MYCBP2: variants seen among roughly 807,000 people sequenced by gnomAD.
The protein encoded by MYCBP2 is E3 ubiquitin-protein ligase MYCBP2.
Under a neutral mutation model 525.3 loss-of-function variants are expected in MYCBP2, and 120 were observed. The observed-to-expected ratio is 0.23, with a 90% CI of 0.20 to 0.27. MYCBP2 has a LOEUF of 0.27. Ranked by LOEUF, MYCBP2 falls within the 10% of genes least tolerant of loss-of-function variation. The pLI, the probability that MYCBP2 is intolerant of heterozygous loss-of-function variation, is 1.00. For synonymous variants in MYCBP2, 1,894 were observed against 1,955.8 expected, an observed-to-expected ratio of 0.97 and a Z score of 0.83; for missense variants, 4,149 against 5,657.1, an observed-to-expected ratio of 0.73 and a Z score of 8.55.
chr13:77,253,358 GGAAACCATCCAAATGCCCAAATACTA>G (rs1398144701), intron 14 of MYCBP2, among the ~76,000 whole-genome samples: 1 of 151,568 alleles, frequency 6.6e-6, no homozygotes, highest in Non-Finnish European at 1.5e-5. Context: ...AACCAAAACT[GGAAACCATCCAAATGCCCAAATACTA>G]GAAACAATTT....
chr13:77,144,197 C>T (rs1294472089), intron 49 of MYCBP2: 4 of 475,888 alleles, frequency 8.4e-6, no homozygotes, highest in African/African-American at 5.9e-5. Flanking sequence ...GCACACCTGA[C>T]TAGTAACATC....
intron 72 of MYCBP2, 64 bp from the exon 73 acceptor site, chr13:77,064,798 T>G: frequency 7.1e-7 from 1 of 1,415,522 alleles, no homozygotes; most frequent in Non-Finnish European, 9.4e-7. Context: ...TAAACTCTTT[T>G]TTCTTAAATA....
chr13:77,095,721 GATA>G (rs1192519106), intron 57 of MYCBP2, 119 bp from the exon 58 acceptor site: 2 of 1,210,518 alleles, frequency 1.7e-6, no homozygotes, highest in Non-Finnish European at 2.3e-6. Flanking sequence ...GCTATTTTAA[GATA>G]ATAAGATTAT....
chr13:77,178,951 T>C (rs1489220201), intron 34 of MYCBP2, among the ~76,000 whole-genome samples: 1 of 152,198 alleles, frequency 6.6e-6, no homozygotes, highest in Admixed American at 6.5e-5. Context: ...ATGTAAAAAG[T>C]TAAAAAATTT....
chr13:77,067,629 A>G lies in MYCBP2; in HGVS notation c.12407T>C (p.Val4136Ala). 1.2e-6 allele frequency: 2 copies of G among 1,614,214 alleles called. No individual in the cohort carries two copies. The highest frequency in any genetic ancestry group is 1.7e-6 in the Non-Finnish European group (2 of 1,180,012). Residue 4136 changes from valine to alanine, a missense_variant, in exon 71 of 83, where the codon GTG becomes GCG. Val to Ala is a moderately conservative substitution (Grantham distance 64). Around this residue, in one of 21 missense-constraint regions of MYCBP2, gnomAD observed 148 missense variants for 179.4 expected, o/e 0.82. Coordinates refer to ENST00000544440, the MANE Select transcript of MYCBP2 (RefSeq NM_015057.5). ...TTITGTAGTT[V>A]GKGVTTVTLP... is the part of the protein sequence containing the mutation. ...AGTAACTGTTGTAACTCCTTTGCCC[A>G]CAGTGGTACCAGCTGTTCCAGTGAT...
intron 8 of MYCBP2, among the ~76,000 whole-genome samples, chr13:77,266,017 C>T (rs1185046388): frequency 6.6e-6 from 1 of 152,096 alleles, no homozygotes; most frequent in African/African-American, 2.4e-5. Context: ...AGTTGCATTT[C>T]ACAAGTTAAA....
At chr13:77,246,261 T>G (rs373118949) in intron 15 of MYCBP2, among the ~76,000 whole-genome samples, 8 of 152,236 alleles carry the variant, frequency 5.3e-5, no homozygotes, top group African/African-American at 1.7e-4. Context: ...AAAGCAAGCA[T>G]TATAAACAAT....
At chr13:77,209,849 A>T (rs2063765226) in intron 23 of MYCBP2, among the ~76,000 whole-genome samples, 1 of 152,170 alleles carries the variant, frequency 6.6e-6, no homozygotes, top group Non-Finnish European at 1.5e-5. Context: ...ATTAATCTCT[A>T]TTTTGGAACA....
chr13:77,188,692 G>A (rs1283928044), intron 30 of MYCBP2, among the ~76,000 whole-genome samples: 1 of 152,076 alleles, frequency 6.6e-6, no homozygotes, highest in Non-Finnish European at 1.5e-5. Context: ...TGATTTACTA[G>A]AAAAGCAAAT....
At chr13:77,203,130 G>A (rs972626644) in intron 26 of MYCBP2, among the ~76,000 whole-genome samples, 1 of 152,078 alleles carries the variant, frequency 6.6e-6, no homozygotes, top group Admixed American at 6.6e-5. Context: ...CGACATGATT[G>A]TATATCTAGA....
At chr13:77,067,547 C>G in intron 71 of MYCBP2, 34 bp downstream of exon 71, 1 of 1,600,894 alleles carries the variant, frequency 6.2e-7, no homozygotes, top group Non-Finnish European at 8.6e-7. Context: ...TCACTCTATT[C>G]TGTTTTGGTA....
chr13:77,177,506 G>C (rs2059826243), intron 35 of MYCBP2, among the ~76,000 whole-genome samples: 1 of 151,612 alleles, frequency 6.6e-6, no homozygotes. Flanking sequence ...ATTTTTCGTA[G>C]AGATAGGGTT....
intron 1 of MYCBP2, among the ~76,000 whole-genome samples, chr13:77,297,228 A>G (rs1230313494): frequency 6.6e-6 from 1 of 152,258 alleles, no homozygotes; most frequent in Non-Finnish European, 1.5e-5. Context: ...ACAGAAAAAA[A>G]TATGTGATAA....
At chr13:77,133,354 T>C (rs1469071266) in intron 52 of MYCBP2, among the ~76,000 whole-genome samples, 1 of 152,172 alleles carries the variant, frequency 6.6e-6, no homozygotes, top group Non-Finnish European at 1.5e-5. Context: ...TTAAACAGAA[T>C]GATCATATCA....
At chr13:77,314,457 C>G (rs1181613957) in intron 1 of MYCBP2, among the ~76,000 whole-genome samples, 1 of 152,074 alleles carries the variant, frequency 6.6e-6, no homozygotes, top group South Asian at 2.1e-4. Context: ...GCTATCAAGT[C>G]TCATACACAA....
At chr13:77,245,776 CA>C (rs2069790662) in intron 15 of MYCBP2, among the ~76,000 whole-genome samples, 1 of 138,016 alleles carries the variant, frequency 7.2e-6, no homozygotes, top group Admixed American at 7.1e-5. Context: ...CACACACACA[CA>C]CACACAAAGG....
chr13:77,242,267 C>T (rs1303262992), intron 17 of MYCBP2, among the ~76,000 whole-genome samples: 2 of 152,118 alleles, frequency 1.3e-5, no homozygotes, highest in African/African-American at 4.8e-5. Context: ...GCGCACACCA[C>T]CACGCCCAGC....
intron 42 of MYCBP2, 85 bp from the exon 43 acceptor site, chr13:77,164,626 A>G: frequency 2.4e-6 from 2 of 844,370 alleles, no homozygotes; most frequent in Admixed American, 3.8e-5. Context: ...GAATTCAAGC[A>G]TTACTTTTGA....
At chr13:77,088,188 A>G (rs1264419013) in intron 61 of MYCBP2, among the ~76,000 whole-genome samples, 1 of 152,184 alleles carries the variant, frequency 6.6e-6, no homozygotes, top group Non-Finnish European at 1.5e-5. Flanking sequence ...TTTATAAGAT[A>G]CAATACCAAA....
Sources: allele counts gnomAD v4.1 joint callset (sites outside exome capture counted in the v4.1 genomes callset), GRCh38; gene constraint gnomAD v4.1.1; regional missense constraint gnomAD v4.1.1; transcripts MANE v1.5; gene names NCBI Gene and HGNC (gene_info 2026-07-23, HGNC 2026-07-21).